ARHGAP8: variants seen among roughly 807,000 people sequenced by gnomAD.
The protein encoded by ARHGAP8 is rho GTPase-activating protein 8.
In ARHGAP8, 62 loss-of-function variants were observed where a neutral mutation model predicts 46.1. The ratio of observed to expected loss-of-function variants is 1.34; its 90% CI spans 1.10 to 1.66. The LOEUF (loss-of-function observed/expected upper bound fraction) is 1.66, where lower values mean the gene tolerates loss of function less well. Ranked by LOEUF, ARHGAP8 falls within the 40% of genes most tolerant of loss-of-function variation. The probability of loss-of-function intolerance (pLI) is 0.00; values close to 1 mark genes in which losing one functional copy is unlikely to be tolerated. For missense variants in ARHGAP8, 923 were observed against 568.4 expected (o/e 1.62, Z -6.34); for synonymous variants, 375 against 243.1 (o/e 1.54, Z -5.05).
At chr22:44,859,691 G>C in intron 10 of ARHGAP8, 40 bp from the exon 11 acceptor site, 1 of 1,605,564 alleles carries the variant, frequency 6.2e-7, no homozygotes, top group Non-Finnish European at 8.5e-7. Flanking sequence ...GCTGCCCCTG[G>C]CCCCTCTGGA....
rs549541423 is a variant in ARHGAP8 at position 44,835,019 on chromosome 22, C to T, written c.596+9426C>T. Among the ~76,000 whole-genome samples the T allele has an allele frequency of 7.2e-5, 11 of 152,174 alleles. No individual in the cohort carries two copies. The South Asian group carries it at 2.3e-3, about 32-fold the overall frequency. Reference sequence around the variant, plus strand: ...GAATCTAAATTGTGTCTCTTGCAGACAGCATATAATTAGGTCATGTTTTTC... The same window carrying T: ...GAATCTAAATTGTGTCTCTTGCAGATAGCATATAATTAGGTCATGTTTTTC... On this transcript the variant is annotated intron_variant, in intron 7 of 11. Transcript: ENST00000356099.
chr22:44,844,238 G>A (rs576586936), intron 7 of ARHGAP8, among the ~76,000 whole-genome samples: 2 of 152,182 alleles, frequency 1.3e-5, no homozygotes, highest in East Asian at 3.9e-4. Flanking sequence ...CCAAAGTGCT[G>A]GAATTACAGG....
chr22:44,848,821 A>T, intron 9 of ARHGAP8, 111 bp from the exon 10 acceptor site: 1 of 1,549,036 alleles, frequency 6.5e-7, no homozygotes, highest in Non-Finnish European at 8.7e-7. Context: ...TGGCTCCAGC[A>T]TCAGGTGCGT....
At chr22:44,759,542 T>C (rs1924962745) in intron 1 of ARHGAP8, among the ~76,000 whole-genome samples, 2 of 152,120 alleles carry the variant, frequency 1.3e-5, no homozygotes. Context: ...GGTTAGCTAT[T>C]CCCTTCATTC....
chr22:44,842,499 C>A (rs1931719122), intron 7 of ARHGAP8, among the ~76,000 whole-genome samples: 1 of 152,212 alleles, frequency 6.6e-6, no homozygotes, highest in Non-Finnish European at 1.5e-5. Context: ...CGTGGAATCA[C>A]CCTCCAGAAA....
At chr22:44,777,996 T>C (rs1180154239) in intron 1 of ARHGAP8, among the ~76,000 whole-genome samples, 2 of 144,494 alleles carry the variant, frequency 1.4e-5, no homozygotes, top group African/African-American at 5.1e-5. Context: ...GTGCCTGGAC[T>C]ATTTTATTTA....
chr22:44,859,656 T>G, intron 10 of ARHGAP8, 75 bp from the exon 11 acceptor site: 2 of 1,530,084 alleles, frequency 1.3e-6, no homozygotes, highest in East Asian at 4.5e-5. Flanking sequence ...TACACCCCTG[T>G]TCTCCTCCCG....
intron 7 of ARHGAP8, among the ~76,000 whole-genome samples, chr22:44,836,915 G>A (rs1931326038): frequency 1.3e-5 from 2 of 151,984 alleles, no homozygotes; most frequent in South Asian, 4.2e-4. Context: ...GGCTCACTCT[G>A]TCACCCAGGT....
intron 4 of ARHGAP8, among the ~76,000 whole-genome samples, chr22:44,814,184 A>T (rs954566329): frequency 2.0e-5 from 3 of 152,192 alleles, no homozygotes; most frequent in African/African-American, 7.2e-5. Context: ...GGGTGTTCCA[A>T]TGTGTGGGTG....
intron 1 of ARHGAP8, among the ~76,000 whole-genome samples, chr22:44,757,050 C>T (rs1924739379): frequency 6.6e-6 from 1 of 152,022 alleles, no homozygotes; most frequent in African/African-American, 2.4e-5. Flanking sequence ...CCGAGTAGCT[C>T]AGACTACAGG....
chr22:44,808,069 A>G (rs1310339830), intron 3 of ARHGAP8, among the ~76,000 whole-genome samples: 2 of 152,220 alleles, frequency 1.3e-5, no homozygotes, highest in Non-Finnish European at 2.9e-5. Flanking sequence ...TCCACGGGCA[A>G]CAATCTGGCC....
intron 6 of ARHGAP8, 117 bp from the exon 7 acceptor site, chr22:44,825,365 GC>G: frequency 9.7e-7 from 1 of 1,030,104 alleles, no homozygotes; most frequent in Non-Finnish European, 1.4e-6. Flanking sequence ...TGGCACGTGC[GC>G]CCAGAGGGAT....
In ARHGAP8 at chr22:44,758,499, C is replaced by G. The variant is rs1461421296; in HGVS notation, c.-72+5872C>G. Among the ~76,000 whole-genome samples the G allele has an allele frequency of 2.6e-5, 4 of 152,070 alleles. No homozygotes were observed. In the South Asian group the frequency reaches 6.2e-4, roughly 24 times the overall value. ...TCCCCACTTTAATTTCCCAGGCAGC[C>G]GGTGAGGAGGTAGATTTGAATTGAG... On this transcript the variant is annotated intron_variant, in intron 1 of 11. Coordinates refer to ENST00000356099, the MANE Select transcript of ARHGAP8 (RefSeq NM_181335.3).
At chr22:44,856,065 C>T (rs2070213667) in intron 10 of ARHGAP8, among the ~76,000 whole-genome samples, 1 of 152,056 alleles carries the variant, frequency 6.6e-6, no homozygotes, top group South Asian at 2.1e-4. Flanking sequence ...AAATCACTCA[C>T]TCTCATGAGA....
In ARHGAP8 at chr22:44,835,183, T is replaced by C. The variant is rs570694150; in HGVS notation, c.596+9590T>C. On this transcript the variant is annotated intron_variant, in intron 7 of 11. Transcript: ENST00000356099. The stretch of plus-strand genomic sequence containing the variant: ...GTCTTCATTAATACCTTCTTTTGTG[T>C]TAAATACATACTTTCTAGTGTACTG... Among the ~76,000 whole-genome samples the C allele has an allele frequency of 5.3e-5, 8 of 151,926 alleles. No homozygotes were observed. In the East Asian group the frequency reaches 1.5e-3, roughly 29 times the overall value.
chr22:44,786,782 A>G (rs1275555270), intron 2 of ARHGAP8, among the ~76,000 whole-genome samples, 176 bp downstream of exon 2: 1 of 152,166 alleles, frequency 6.6e-6, no homozygotes, highest in Non-Finnish European at 1.5e-5. Flanking sequence ...TGTGAGGCCA[A>G]AGTGGGCAGA....
chr22:44,766,377 C>T (rs573422137), intron 1 of ARHGAP8, among the ~76,000 whole-genome samples: 8 of 151,900 alleles, frequency 5.3e-5, no homozygotes, highest in African/African-American at 1.2e-4. Flanking sequence ...ACTGCAGGTG[C>T]GGAGGAGTCA....
intron 1 of ARHGAP8, 86 bp from the exon 2 acceptor site, chr22:44,786,371 C>T: frequency 6.7e-7 from 1 of 1,494,314 alleles, no homozygotes; most frequent in Non-Finnish European, 9.0e-7. Flanking sequence ...AGGTGGGTGA[C>T]TGTCTTATGA....
At chr22:44,768,487 G>A (rs1450069479) in intron 1 of ARHGAP8, among the ~76,000 whole-genome samples, 2 of 145,040 alleles carry the variant, frequency 1.4e-5, no homozygotes, top group African/African-American at 2.6e-5. Context: ...TTTTTATCTT[G>A]TAGAGACAGG....
Sources: allele counts gnomAD v4.1 joint callset (sites outside exome capture counted in the v4.1 genomes callset), GRCh38; gene constraint gnomAD v4.1.1; transcripts MANE v1.5; gene names NCBI Gene and HGNC (gene_info 2026-07-23, HGNC 2026-07-21).